Variants in IQCM observed in about 807,000 individuals in gnomAD.
IQCM encodes IQ domain-containing protein M.
Under a neutral mutation model 57.6 loss-of-function variants are expected in IQCM, and 45 were observed. The observed-to-expected ratio is 0.78, with a 90% confidence interval of 0.62 to 1.00. The LOEUF (loss-of-function observed/expected upper bound fraction) is 1.00, where lower values mean the gene tolerates loss of function less well. Ranked by LOEUF, IQCM falls within the 50% of genes least tolerant of loss-of-function variation. The pLI, the probability that IQCM is intolerant of heterozygous loss-of-function variation, is 0.00. For synonymous variants in IQCM, 148 were observed against 158.9 expected, an observed-to-expected ratio of 0.93 and a Z score of 0.51; for missense variants, 468 against 511.6, an observed-to-expected ratio of 0.91 and a Z score of 0.82.
At chr4:149,642,365 G>A (rs980932992) in intron 7 of IQCM, among the ~76,000 whole-genome samples, 1 of 152,064 alleles carries the variant, frequency 6.6e-6, no homozygotes, top group Admixed American at 6.6e-5. Context: ...AAAAATGAGA[G>A]GTCGTAAAAT....
chr4:149,806,279 A>G (rs1774072358), intron 2 of IQCM, among the ~76,000 whole-genome samples: 1 of 151,896 alleles, frequency 6.6e-6, no homozygotes, highest in Non-Finnish European at 1.5e-5. Flanking sequence ...GTTATTTTTT[A>G]AGGAGGTATA....
chr4:149,591,466 T>A (rs76128257), intron 8 of IQCM, among the ~76,000 whole-genome samples: 1 of 152,066 alleles, frequency 6.6e-6, no homozygotes, highest in African/African-American at 2.4e-5. Context: ...TTTTTTTTTT[T>A]AATACTTTAA....
intron 5 of IQCM, among the ~76,000 whole-genome samples, chr4:149,692,312 G>A (rs1161519026): frequency 2.0e-5 from 3 of 152,242 alleles, no homozygotes; most frequent in East Asian, 1.9e-4. Flanking sequence ...TCAACAGAGC[G>A]CAACCTTTCT....
intron 2 of IQCM, among the ~76,000 whole-genome samples, chr4:149,749,446 CTA>C (rs1400010376): frequency 6.6e-6 from 1 of 152,116 alleles, no homozygotes; most frequent in Admixed American, 6.5e-5. Context: ...AGGACACGGT[CTA>C]TGTTTTTAAT....
intron 13 of IQCM, among the ~76,000 whole-genome samples, chr4:149,383,322 C>A (rs1731204679): frequency 2.0e-5 from 3 of 152,088 alleles, no homozygotes; most frequent in African/African-American, 7.2e-5. Context: ...GTCATTAAAT[C>A]ATGTTTGAAA....
chr4:149,791,264 T>G (rs1408418328), intron 2 of IQCM, among the ~76,000 whole-genome samples: 1 of 152,160 alleles, frequency 6.6e-6, no homozygotes, highest in Non-Finnish European at 1.5e-5. Flanking sequence ...TTGACTCTCA[T>G]TATTTTTAAC....
chr4:149,785,559 G>A (rs1013101450), intron 2 of IQCM, among the ~76,000 whole-genome samples: 1 of 151,918 alleles, frequency 6.6e-6, no homozygotes, highest in Non-Finnish European at 1.5e-5. Flanking sequence ...GTACACAAAT[G>A]GCTGAAAGAA....
At chr4:149,589,098 T>G (rs1752894039) in intron 8 of IQCM, among the ~76,000 whole-genome samples, 1 of 152,000 alleles carries the variant, frequency 6.6e-6, no homozygotes, top group South Asian at 2.1e-4. Flanking sequence ...AATGTAAAAT[T>G]GATAGCTAGA....
chr4:149,385,795 C>T (rs894416867), intron 13 of IQCM, among the ~76,000 whole-genome samples: 1 of 152,090 alleles, frequency 6.6e-6, no homozygotes, highest in African/African-American at 2.4e-5. Context: ...CTTCAATTTT[C>T]TTCTTGACGA....
At chr4:149,689,382 G>A (rs1454331225) in intron 5 of IQCM, among the ~76,000 whole-genome samples, 2 of 151,890 alleles carry the variant, frequency 1.3e-5, no homozygotes, top group Non-Finnish European at 2.9e-5. Flanking sequence ...ACACAGAGAG[G>A]GGAACATCAC....
chr4:149,700,477 C>T (rs1275936687), intron 5 of IQCM, among the ~76,000 whole-genome samples: 1 of 151,976 alleles, frequency 6.6e-6, no homozygotes, highest in Non-Finnish European at 1.5e-5. Context: ...GGTACCTTTA[C>T]GGCTTCAGCA....
At chr4:149,461,675 GAAGA>G (rs1471290964) in intron 12 of IQCM, among the ~76,000 whole-genome samples, 3 of 148,146 alleles carry the variant, frequency 2.0e-5, no homozygotes, top group Admixed American at 6.7e-5. Flanking sequence ...AAAACAAGAA[GAAGA>G]AAGAAAGAAA....
chr4:149,644,925 T>A (rs1171118121), intron 7 of IQCM, among the ~76,000 whole-genome samples: 1 of 152,220 alleles, frequency 6.6e-6, no homozygotes, highest in African/African-American at 2.4e-5. Context: ...ACCAGAAGTA[T>A]ACCAGCCTTC....
At chr4:149,456,746 C>A (rs1417750393) in intron 12 of IQCM, among the ~76,000 whole-genome samples, 8 of 152,200 alleles carry the variant, frequency 5.3e-5, no homozygotes, top group Non-Finnish European at 1.2e-4. Flanking sequence ...TCAGAGAATT[C>A]TTTATGGCCC....
At chr4:149,574,460 GAGAA>G (rs1224187681) in intron 9 of IQCM, among the ~76,000 whole-genome samples, 2 of 151,932 alleles carry the variant, frequency 1.3e-5, no homozygotes, top group Non-Finnish European at 2.9e-5. Flanking sequence ...CTAAGAATGA[GAGAA>G]AGAACAGGGC....
chr4:149,553,126 G>A lies in IQCM; in HGVS notation c.1093+17C>T. 8.1e-7 allele frequency: 1 copy of A among 1,231,430 alleles called. No individual in the cohort carries two copies. The allele number at this position is 1,231,430 out of a possible 1,614,324, so 76.3% of individuals were successfully genotyped here. A position where few individuals can be genotyped will look rare whatever the true frequency, so the allele number is the denominator to read the frequency against. ...CTCCAAACTTAAATTCAAACCAGAAGTGTCTGCATCACTTACATTTTTTTC... is the reference window on the plus strand; with the variant it reads ...CTCCAAACTTAAATTCAAACCAGAAATGTCTGCATCACTTACATTTTTTTC... On this transcript the variant is annotated intron_variant, in intron 11 of 13. Coordinates refer to ENST00000636793, the MANE Select transcript of IQCM (RefSeq NM_001363507.2).
chr4:149,549,235 G>A (rs1306720000), intron 11 of IQCM, among the ~76,000 whole-genome samples: 2 of 152,200 alleles, frequency 1.3e-5, no homozygotes, highest in African/African-American at 2.4e-5. Context: ...AAAATTGATG[G>A]CCGGGCGCGG....
At chr4:149,627,218 A>C (rs190688820) in intron 7 of IQCM, among the ~76,000 whole-genome samples, 1 of 152,170 alleles carries the variant, frequency 6.6e-6, no homozygotes, top group Non-Finnish European at 1.5e-5. Context: ...AATAAGAATG[A>C]AGGTGTGGAA....
intron 5 of IQCM, among the ~76,000 whole-genome samples, chr4:149,693,366 T>G (rs1763085938): frequency 6.6e-6 from 1 of 152,202 alleles, no homozygotes. Context: ...AGATCCAAAT[T>G]TGAATAGCCG....
Sources: allele counts gnomAD v4.1 joint callset (sites outside exome capture counted in the v4.1 genomes callset), GRCh38; gene constraint gnomAD v4.1.1; transcripts MANE v1.5; gene names NCBI Gene and HGNC (gene_info 2026-07-23, HGNC 2026-07-21).